KLRF1: variants seen among roughly 807,000 people sequenced by gnomAD.
KLRF1 encodes the protein killer cell lectin-like receptor subfamily F member 1.
KLRF1 carries 27 observed loss-of-function variants against 30.7 expected under a neutral mutation model. The observed-to-expected ratio is 0.88, with a 90% CI of 0.65 to 1.21. KLRF1 has a LOEUF of 1.21. Among genes scored for constraint, KLRF1 ranks in the 50% most tolerant of loss-of-function variants. KLRF1 has a pLI of 0.00. For synonymous variants in KLRF1, 92 were observed against 89.3 expected, an observed-to-expected ratio of 1.03 and a Z score of -0.17; for missense variants, 246 against 259.3, an observed-to-expected ratio of 0.95 and a Z score of 0.35.
the KLRF1 span, among the ~76,000 whole-genome samples, chr12:9,809,069 A>G: frequency 6.6e-6 from 1 of 152,212 alleles, no homozygotes. Context: ...TGAGTAATAG[A>G]ATCATAAACT....
the KLRF1 span, among the ~76,000 whole-genome samples, chr12:9,821,405 C>A: frequency 6.6e-6 from 1 of 152,018 alleles, no homozygotes; most frequent in Non-Finnish European, 1.5e-5. Flanking sequence ...CTTATCCATA[C>A]CCCCATCAAG....
chr12:9,826,985 C>A (rs760908871), upstream of KLRF1, among the ~76,000 whole-genome samples: 24 of 151,774 alleles, frequency 1.6e-4, no homozygotes, highest in African/African-American at 5.8e-4. Context: ...ATGATTTTAC[C>A]TATATAACAA....
At chr12:9,834,201 T>C (rs962086792) in intron 3 of KLRF1, among the ~76,000 whole-genome samples, 6 of 151,914 alleles carry the variant, frequency 3.9e-5, no homozygotes, top group Non-Finnish European at 7.4e-5. Context: ...TCTTTTATGG[T>C]GGAATGTCAT....
the KLRF1 span, among the ~76,000 whole-genome samples, chr12:9,802,992 C>T: frequency 1.6e-4 from 25 of 152,016 alleles, no homozygotes; most frequent in South Asian, 2.3e-3. Context: ...AAAAAGAGCC[C>T]GTAAAGCCAA....
At position 9,841,695 on chromosome 12, in the gene KLRF1, G is replaced by A. The variant is rs1867705716; in HGVS notation, c.335-117G>A. On this transcript the variant is annotated intron_variant, in intron 3 of 5. Transcript: ENST00000617889. ...TTTGTGTCTGGACAATTTGCTATAA[G>A]TGATTTTATTGTAGCTCAACTCTTA... 3 of 694,736 alleles carry A rather than the reference G, an allele frequency of 4.3e-6. No homozygotes were observed. The South Asian group carries it at 7.8e-5, about 18-fold the overall frequency. 43.0% of individuals were successfully genotyped at this position (694,736 alleles called of 1,614,324 possible).
rs747945900 is a variant in KLRF1, at chr12:9,829,507, C to A, written c.85+1878C>A. 2.6e-5 allele frequency among the ~76,000 whole-genome samples: 4 copies of A among 152,264 alleles called. No homozygotes were observed. The East Asian group carries it at 7.7e-4, about 29-fold the overall frequency. On this transcript the variant is annotated intron_variant, in intron 1 of 5. Coordinates refer to ENST00000617889, the MANE Select transcript of KLRF1 (RefSeq NM_016523.3). The stretch of plus-strand genomic sequence containing the variant: ...GTGGCTCATGCCATTAATCCCAGCA[C>A]TTTGGAAGGCCGAGGCAGGATGATC...
intron 3 of KLRF1, 139 bp from the exon 4 acceptor site, chr12:9,841,673 G>C: frequency 1.7e-6 from 1 of 580,462 alleles, no homozygotes; most frequent in Non-Finnish European, 2.8e-6. Flanking sequence ...GCCATCTTTT[G>C]TGTCTGGACA....
the KLRF1 span, among the ~76,000 whole-genome samples, chr12:9,804,258 ATCT>A: frequency 6.6e-6 from 1 of 151,700 alleles, no homozygotes; most frequent in Admixed American, 6.6e-5. Context: ...GTCTTTTCAG[ATCT>A]TTTGCCCATA....
In KLRF1 at chr12:9,844,545, G is replaced by T. The variant is rs1484741917; in HGVS notation, c.*19G>T. 1.5e-6 allele frequency: 2 copies of T among 1,316,626 alleles called. No individual in the cohort carries two copies. The highest frequency in any genetic ancestry group is 2.2e-6 in the Non-Finnish European group (2 of 916,020). 81.6% of individuals were successfully genotyped at this position (1,316,626 alleles called of 1,614,324 possible). ...GTATTAGAGTTTGACAAAATTCACAGTGAAATAATCAATGATCACTATTTT... is the reference window on the plus strand; with the variant it reads ...GTATTAGAGTTTGACAAAATTCACATTGAAATAATCAATGATCACTATTTT... On this transcript the variant is annotated 3_prime_UTR_variant, in exon 6 of 6. Transcript: ENST00000617889.
At chr12:9,817,642 G>T in the KLRF1 span, 2 of 279,942 alleles carry the variant, frequency 7.1e-6, no homozygotes, top group Non-Finnish European at 1.5e-5. Flanking sequence ...TTACCAGCAG[G>T]TGTTACAGAT....
At chr12:9,832,453 G>A (rs1265582857) in intron 2 of KLRF1, 39 bp downstream of exon 2, 2 of 1,098,720 alleles carry the variant, frequency 1.8e-6, no homozygotes, top group Non-Finnish European at 2.8e-6. Flanking sequence ...AAATATGAAA[G>A]ATGTTTACTT....
At chr12:9,830,434 C>T (rs1867389753) in intron 1 of KLRF1, among the ~76,000 whole-genome samples, 1 of 151,976 alleles carries the variant, frequency 6.6e-6, no homozygotes, top group African/African-American at 2.4e-5. Flanking sequence ...TATATTACCT[C>T]TTCGTATTAA....
chr12:9,844,702 T>G lies in KLRF1; in HGVS notation c.*176T>G. The G allele has an allele frequency of 4.3e-6, 2 of 461,170 alleles. No homozygotes were observed. Among genetic ancestry groups the G allele is most frequent in the East Asian group, 3.5e-5 (1 of 28,182 alleles). 28.6% of individuals were successfully genotyped at this position (461,170 alleles called of 1,614,324 possible). On this transcript the variant is annotated 3_prime_UTR_variant, in exon 6 of 6. Transcript: ENST00000617889. ...CTCAGAGTAACCCCTGTTAACAAAC[T>G]AAAATGTACACTTCAAAATTTTTAC... is the stretch of plus-strand genomic sequence containing the variant.
At chr12:9,823,584 G>C (rs2121179271), upstream of KLRF1, among the ~76,000 whole-genome samples, 1 of 152,152 alleles carries the variant, frequency 6.6e-6, no homozygotes, top group Non-Finnish European at 1.5e-5. Flanking sequence ...AAGAACTGGA[G>C]AAGTAAGAGC....
At chr12:9,838,811 G>C (rs1867642495) in intron 3 of KLRF1, among the ~76,000 whole-genome samples, 1 of 152,094 alleles carries the variant, frequency 6.6e-6, no homozygotes, top group South Asian at 2.1e-4. Flanking sequence ...TTGCTTTAAT[G>C]AATGACCTTC....
At chr12:9,821,647 C>T in the KLRF1 span, among the ~76,000 whole-genome samples, 1 of 152,190 alleles carries the variant, frequency 6.6e-6, no homozygotes, top group African/African-American at 2.4e-5. Flanking sequence ...CTGCTGCTGC[C>T]TCCAAGTTGG....
chr12:9,833,414 A>G lies in KLRF1; in HGVS notation c.296A>G (p.Asn99Ser). ...VNNGTRRNISNKDLCASRSAD... is the reference protein window; with the variant it reads ...VNNGTRRNISSKDLCASRSAD... The stretch of plus-strand genomic sequence containing the variant: ...AATGGCACAAGAAGAAATATAAGTA[A>G]TAAGGACCTTTGTGCTTCGAGATCT... Residue 99 changes from asparagine (N) to serine (S), a missense_variant, in exon 3 of 6, where the codon AAT (asparagine) becomes AGT (serine). Transcript: ENST00000617889. 1 of 1,611,900 alleles carries G rather than the reference A, an allele frequency of 6.2e-7. No individual in the cohort carries two copies. The highest frequency in any genetic ancestry group is 8.5e-7 in the Non-Finnish European group (1 of 1,178,890).
chr12:9,814,046 C>T, the KLRF1 span, among the ~76,000 whole-genome samples: 3 of 152,300 alleles, frequency 2.0e-5, no homozygotes, highest in Non-Finnish European at 4.4e-5. Flanking sequence ...ACATCCTTCA[C>T]TTCCCCCACA....
chr12:9,844,491 T>G lies in KLRF1; in HGVS notation c.661T>G (p.Cys221Gly), dbSNP rs748034048. ...GGAAAGCAAAATTTTCTCTGAAACC[T>G]GCAGCAGTGTTTTCAAATGGATTTG... ...IKESKIFSET[C>G]SSVFKWICQY The change falls in exon 6 of 6, where the codon TGC becomes GGC. Residue 221 changes from cysteine (C) to glycine (G), a missense_variant. Coordinates refer to ENST00000617889, the MANE Select transcript of KLRF1 (RefSeq NM_016523.3). 15 of 1,607,646 alleles carry G rather than the reference T, an allele frequency of 9.3e-6. No individual in the cohort carries two copies. The Admixed American group carries it at 1.8e-4, about 20-fold the overall frequency.
Sources: allele counts gnomAD v4.1 joint callset (sites outside exome capture counted in the v4.1 genomes callset), GRCh38; gene constraint gnomAD v4.1.1; transcripts MANE v1.5; gene names NCBI Gene and HGNC (gene_info 2026-07-23, HGNC 2026-07-21).